The following DFFA variants were observed in gnomAD, a reference collection of about 807,000 sequenced individuals.
The protein encoded by DFFA is DNA fragmentation factor subunit alpha.
DFFA carries 14 observed loss-of-function variants against 28.0 expected under a neutral mutation model. The observed-to-expected ratio is 0.50, with a 90% CI of 0.33 to 0.78. DFFA has a LOEUF of 0.78. Among genes scored for constraint, DFFA ranks in the 30% least tolerant of loss-of-function variants. The probability of loss-of-function intolerance (pLI) is 0.02; values close to 1 mark genes in which losing one functional copy is unlikely to be tolerated. For missense variants in DFFA, 395 were observed against 407.1 expected (o/e 0.97, Z 0.26); for synonymous variants, 158 against 170.3 (o/e 0.93, Z 0.56).
In DFFA at chr1:10,463,041, C is replaced by T. The variant is rs1162102213; in HGVS notation, c.783+17G>A. On this transcript the variant is annotated intron_variant, in intron 5 of 5. Coordinates refer to ENST00000377038, the MANE Select transcript of DFFA (RefSeq NM_004401.3). ...CATGTCCTCCTCTGTAGCTCAGTGA[C>T]CCTGGTTTCCGCCCACCTCCAAATC... The T allele has an allele frequency of 6.2e-7, 1 of 1,614,064 alleles. No individual in the cohort carries two copies. Among genetic ancestry groups the T allele is most frequent in the Admixed American group, 1.7e-5 (1 of 60,006 alleles).
In DFFA at chr1:10,465,642, C is replaced by T. The variant is rs146607674; in HGVS notation, c.441+1548G>A. 4.9e-3 allele frequency among the ~76,000 whole-genome samples: 752 copies of T among 152,108 alleles called. 6 individuals carry two copies. The highest frequency in any genetic ancestry group is 6.6e-3 in the Non-Finnish European group (450 of 67,982). On this transcript the variant is annotated intron_variant, in intron 3 of 5. Transcript: ENST00000377038. The stretch of plus-strand genomic sequence containing the variant: ...TCTTGACATCGTGATCTGCCCGCCC[C>T]GGCCTCCCAAAGTTCTAGGATTATA...
rs1422795307 is a variant in DFFA at position 10,457,141 on chromosome 1, G to C, written c.*4349C>G. 1 of 152,084 alleles carries C rather than the reference G, an allele frequency of 6.6e-6. No homozygotes were observed. The highest frequency in any genetic ancestry group is 1.5e-5 in the Non-Finnish European group (1 of 68,082). 9.4% of individuals were successfully genotyped at this position (152,084 alleles called of 1,614,324 possible). A position where few individuals can be genotyped will look rare whatever the true frequency, so the allele number is the denominator to read the frequency against. ...AGCACTTCATTCCTTTCTTGGGGGG[G>C]ACTGGATTATTTATTTTGAGACAGG... On this transcript the variant is annotated 3_prime_UTR_variant, in exon 6 of 6. Coordinates refer to ENST00000377038, the MANE Select transcript of DFFA (RefSeq NM_004401.3).
Position 10,463,273 on chromosome 1 carries a change from G to C in DFFA, c.632-64C>G, listed in dbSNP as rs971224169. The C allele has an allele frequency of 2.5e-6, 4 of 1,586,702 alleles. No homozygotes were observed. The Admixed American group carries it at 6.8e-5, about 27-fold the overall frequency. On this transcript the variant is annotated intron_variant, in intron 4 of 5. Coordinates refer to ENST00000377038, the MANE Select transcript of DFFA (RefSeq NM_004401.3). Reference sequence around the variant, plus strand: ...GACCACACAGCCACATGAACAACTCGCCAGAATAACTGGCCGGGCAAGAGA... The same window carrying C: ...GACCACACAGCCACATGAACAACTCCCCAGAATAACTGGCCGGGCAAGAGA...
intron 3 of DFFA, among the ~76,000 whole-genome samples, chr1:10,465,377 T>A (rs1263886480): frequency 6.6e-6 from 1 of 151,892 alleles, no homozygotes; most frequent in Non-Finnish European, 1.5e-5. Flanking sequence ...GTGATTCTCC[T>A]GCCTCAGCCT....
In DFFA at chr1:10,472,477, T is replaced by C. The variant is rs746562781; in HGVS notation, c.-19A>G. ...CCTCCATCCTCCACAAGGTGGGACC[T>C]GCCCACCTTCGAGAAGTCGCGGGAG... On this transcript the variant is annotated 5_prime_UTR_variant, in exon 1 of 6. Transcript: ENST00000377038. The surrounding 1 kb of genome is among the most constrained non-coding windows in gnomAD (Gnocchi z 5.0). 5.0e-5 allele frequency: 79 copies of C among 1,580,422 alleles called. No individual in the cohort carries two copies. Among genetic ancestry groups the C allele is most frequent in the Non-Finnish European group, 6.5e-5 (75 of 1,160,196 alleles).
At position 10,469,331 on chromosome 1, in the gene DFFA, G is replaced by A; in HGVS notation, c.144C>T (p.Asp48=). 6.2e-7 allele frequency: 1 copy of A among 1,613,084 alleles called. No individual in the cohort carries two copies. The highest frequency in any genetic ancestry group is 1.1e-5 in the South Asian group (1 of 90,808). ...TCAGGGACTTATCAATGGCCAGAAT[G>A]TCACAGGCTGAAAAGAATAAAATAT... is the stretch of plus-strand genomic sequence containing the variant. ...CLEDLRSKAC[D]ILAIDKSLTP... The change falls in exon 2 of 6, where the codon GAC becomes GAT. Residue 48 remains aspartate, a synonymous_variant. Transcript: ENST00000377038.
rs978827119 is a variant in DFFA, at chr1:10,459,508, C to T, written c.*1982G>A. On this transcript the variant is annotated 3_prime_UTR_variant, in exon 6 of 6. Coordinates refer to ENST00000377038, the MANE Select transcript of DFFA (RefSeq NM_004401.3). ...AGTGAGATATTAGCAATGGACTCTC[C>T]GTATGTCCCTATGGTCTACAAGCTT... is the stretch of plus-strand genomic sequence containing the variant. The T allele has an allele frequency of 3.9e-5, 6 of 152,012 alleles. No individual in the cohort carries two copies. The highest frequency in any genetic ancestry group is 7.2e-5 in the African/African-American group (3 of 41,386). The allele number at this position is 152,012 out of a possible 1,614,324, so 9.4% of individuals were successfully genotyped here. A position where few individuals can be genotyped will look rare whatever the true frequency, so the allele number is the denominator to read the frequency against.
At chr1:10,462,666 A>G (rs1640964084) in intron 5 of DFFA, 7 of 1,026,500 alleles carry the variant, frequency 6.8e-6, no homozygotes, top group Admixed American at 4.9e-5. Flanking sequence ...GGTCTTAGCC[A>G]GCAGGCGACG....
rs1403513240 is a variant in DFFA, at chr1:10,456,599, C to T, written c.*4891G>A. The T allele has an allele frequency of 2.8e-5, 4 of 140,448 alleles. No individual in the cohort carries two copies. The highest frequency in any genetic ancestry group is 7.4e-5 in the Admixed American group (1 of 13,590). 8.7% of individuals were successfully genotyped at this position (140,448 alleles called of 1,614,324 possible). On this transcript the variant is annotated 3_prime_UTR_variant, in exon 6 of 6. Transcript: ENST00000377038. ...AATTCTTGTAATTGATGCAGGTTTTCTTTTTTCTACAGACTACTATTATTT... is the reference window on the plus strand; with the variant it reads ...AATTCTTGTAATTGATGCAGGTTTTTTTTTTTCTACAGACTACTATTATTT...
chr1:10,470,249 GCAAAGCTGGGATTTAAACCCA>G (rs1641077815), intron 1 of DFFA, among the ~76,000 whole-genome samples: 2 of 152,046 alleles, frequency 1.3e-5, no homozygotes, highest in Admixed American at 1.3e-4. Context: ...ACAGTAAGTG[GCAAAGCTGGGATTTAAACCCA>G]CAAAGTCTGG....
At position 10,459,136 on chromosome 1, in the gene DFFA, G is replaced by A. The variant is rs1640895850; in HGVS notation, c.*2354C>T. The A allele has an allele frequency of 6.6e-6, 1 of 152,218 alleles. No individual in the cohort carries two copies. The highest frequency in any genetic ancestry group is 2.4e-5 in the African/African-American group (1 of 41,452). The allele number at this position is 152,218 out of a possible 1,614,324, so 9.4% of individuals were successfully genotyped here. A position where few individuals can be genotyped will look rare whatever the true frequency, so the allele number is the denominator to read the frequency against. On this transcript the variant is annotated 3_prime_UTR_variant, in exon 6 of 6. Transcript: ENST00000377038. ...CCCAAAATGCTGGGATTACAGGTGT[G>A]AGCCACTGCGCCCGGCCTATTGTGA...
intron 2 of DFFA, among the ~76,000 whole-genome samples, chr1:10,468,823 C>T (rs1641055252): frequency 6.6e-6 from 1 of 151,936 alleles, no homozygotes; most frequent in Non-Finnish European, 1.5e-5. Flanking sequence ...ACTGCAACCT[C>T]CACCTCCCAG....
Position 10,459,714 on chromosome 1 carries a change from T to C in DFFA, c.*1776A>G, listed in dbSNP as rs1196754208. On this transcript the variant is annotated 3_prime_UTR_variant, in exon 6 of 6. Transcript: ENST00000377038. ...TACGACCATTTCTTTTCATTGCCCT[T>C]GATGGTTACCTTTTTAAAAAAAAAA... 6 of 151,082 alleles carry C rather than the reference T, an allele frequency of 4.0e-5. No individual in the cohort carries two copies. The highest frequency in any genetic ancestry group is 1.5e-4 in the African/African-American group (6 of 41,022). The allele number at this position is 151,082 out of a possible 1,614,324, so 9.4% of individuals were successfully genotyped here.
In DFFA at chr1:10,461,322, TAA is replaced by T; in HGVS notation, c.*166_*167del. 24 of 1,021,452 alleles carry T rather than the reference TAA, an allele frequency of 2.3e-5. No individual in the cohort carries two copies. Among genetic ancestry groups the T allele is most frequent in the Non-Finnish European group, 2.9e-5 (22 of 757,490 alleles). The allele number at this position is 1,021,452 out of a possible 1,614,324, so 63.3% of individuals were successfully genotyped here. A position where few individuals can be genotyped will look rare whatever the true frequency, so the allele number is the denominator to read the frequency against. On this transcript the variant is annotated 3_prime_UTR_variant, in exon 6 of 6. Transcript: ENST00000377038. Reference sequence around the variant, plus strand: ...GCAGAAGTCCTGAAGCTGGTGGGGCTAAAAAAAAAATTGGTGGAACGGCGTAT... The same window carrying T: ...GCAGAAGTCCTGAAGCTGGTGGGGCTAAAAAAAATTGGTGGAACGGCGTAT...
intron 5 of DFFA, 85 bp from the exon 6 acceptor site, chr1:10,461,787 A>G: frequency 6.4e-7 from 1 of 1,559,586 alleles, no homozygotes; most frequent in Non-Finnish European, 8.7e-7. Flanking sequence ...GGGGAGTGCA[A>G]TGAGGCAGTA....
At position 10,462,564 on chromosome 1, in the gene DFFA, C is replaced by T. The variant is rs180710967; in HGVS notation, c.783+494G>A. 9 of 994,768 alleles carry T rather than the reference C, an allele frequency of 9.0e-6. No homozygotes were observed. In the African/African-American group the frequency reaches 1.4e-4, roughly 15 times the overall value. The allele number at this position is 994,768 out of a possible 1,614,324, so 61.6% of individuals were successfully genotyped here. A position where few individuals can be genotyped will look rare whatever the true frequency, so the allele number is the denominator to read the frequency against. ...CAACAGTTTCCTTCCCTTCTATCTA[C>T]AATAGGGAGGTACTTATGACAGGGA... is the stretch of plus-strand genomic sequence containing the variant. On this transcript the variant is annotated intron_variant, in intron 5 of 5. Transcript: ENST00000377038.
At position 10,472,487 on chromosome 1, in the gene DFFA, C is replaced by G. The variant is rs765042204; in HGVS notation, c.-29G>C. On this transcript the variant is annotated 5_prime_UTR_variant, in exon 1 of 6. Transcript: ENST00000377038. The surrounding 1 kb of genome is among the most constrained non-coding windows in gnomAD (Gnocchi z 5.0). Reference sequence around the variant, plus strand: ...CCACAAGGTGGGACCTGCCCACCTTCGAGAAGTCGCGGGAGGCCGGAGCGG... The same window carrying G: ...CCACAAGGTGGGACCTGCCCACCTTGGAGAAGTCGCGGGAGGCCGGAGCGG... 4 of 1,561,222 alleles carry G rather than the reference C, an allele frequency of 2.6e-6. No individual in the cohort carries two copies. The highest frequency in any genetic ancestry group is 2.3e-5 in the South Asian group (2 of 86,672).
chr1:10,461,817 T>A (rs1230125672), intron 5 of DFFA, 115 bp from the exon 6 acceptor site: 6 of 1,493,248 alleles, frequency 4.0e-6, no homozygotes, highest in Non-Finnish European at 5.3e-6. Context: ...GTTACCTCTT[T>A]ACACTGAAAT....
intron 2 of DFFA, 90 bp downstream of exon 2, chr1:10,469,087 C>T: frequency 7.4e-7 from 1 of 1,354,428 alleles, no homozygotes; most frequent in Admixed American, 1.9e-5. Flanking sequence ...CTTAAAAAGC[C>T]AGACAAATGG....
Sources: allele counts gnomAD v4.1 joint callset (sites outside exome capture counted in the v4.1 genomes callset), GRCh38; gene constraint gnomAD v4.1.1; non-coding constraint Gnocchi (gnomAD v3.1); transcripts MANE v1.5; gene names NCBI Gene and HGNC (gene_info 2026-07-23, HGNC 2026-07-21).